EIF4E2: variants seen among roughly 807,000 people sequenced by gnomAD.
The protein encoded by EIF4E2 is eukaryotic translation initiation factor 4E type 2.
A neutral mutation model predicts 34.2 loss-of-function variants in EIF4E2; 13 were observed. The observed-to-expected ratio is 0.38, with a 90% CI of 0.25 to 0.60. The LOEUF is 0.60. Ranked by LOEUF, EIF4E2 falls within the 20% of genes least tolerant of loss-of-function variation. EIF4E2 has a pLI of 0.62. For synonymous variants in EIF4E2, 100 were observed against 106.6 expected (o/e 0.94, Z 0.38); for missense variants, 222 against 315.1 (o/e 0.70, Z 2.24).
At chr2:232,578,503 C>T (rs1319115063) in intron 6 of EIF4E2, among the ~76,000 whole-genome samples, 3 of 151,770 alleles carry the variant, frequency 2.0e-5, no homozygotes, top group African/African-American at 4.8e-5. Flanking sequence ...TGGTGGTGCA[C>T]GCCTGTAGTT....
At chr2:232,578,226 C>T (rs1693265784) in intron 6 of EIF4E2, among the ~76,000 whole-genome samples, 1 of 152,222 alleles carries the variant, frequency 6.6e-6, no homozygotes, top group South Asian at 2.1e-4. Context: ...GCTGGATTCT[C>T]CTGGCTTTTC....
At position 232,562,318 on chromosome 2, in the gene EIF4E2, C is replaced by T. The variant is rs192896248; in HGVS notation, c.271-1929C>T. 4.2e-3 allele frequency among the ~76,000 whole-genome samples: 646 copies of T among 152,200 alleles called. 6 individuals are homozygous for T. Among genetic ancestry groups the T allele is most frequent in the South Asian group, 0.019 (91 of 4,812 alleles). On this transcript the variant is annotated intron_variant, in intron 3 of 6. Coordinates refer to ENST00000258416, the MANE Select transcript of EIF4E2 (RefSeq NM_004846.4). The stretch of plus-strand genomic sequence containing the variant: ...CAGTGGGGCTGGGCGCGGTGGCTCA[C>T]GCCTGTAATCACAACACTTTGGAAG...
intron 3 of EIF4E2, chr2:232,558,798 A>G (rs938715979): frequency 7.9e-5 from 12 of 152,150 alleles, no homozygotes; most frequent in African/African-American, 2.4e-4. Context: ...GATTATGCAT[A>G]AAATATCTTT....
At chr2:232,551,135 C>A in intron 1 of EIF4E2, 1 of 556,436 alleles carries the variant, frequency 1.8e-6, no homozygotes. Flanking sequence ...CACACACTCC[C>A]TCTCCCCTCT....
chr2:232,561,904 A>G (rs1358732987), intron 3 of EIF4E2, among the ~76,000 whole-genome samples: 2 of 151,730 alleles, frequency 1.3e-5, no homozygotes, highest in Non-Finnish European at 2.9e-5. Context: ...AGAACTGTCA[A>G]ATCTTTTAAA....
chr2:232,569,097 G>C lies in EIF4E2; in HGVS notation c.*80G>C. 1 of 1,575,294 alleles carries C rather than the reference G, an allele frequency of 6.3e-7. No homozygotes were observed. The highest frequency in any genetic ancestry group is 2.3e-5 in the East Asian group (1 of 43,884). Reference sequence around the variant, plus strand: ...TGTTCTGTTGGCGTGCTACCTGGAAGATCCTTCTGTCCTGGACAAGAGGAA... The same window carrying C: ...TGTTCTGTTGGCGTGCTACCTGGAACATCCTTCTGTCCTGGACAAGAGGAA... On this transcript the variant is annotated 3_prime_UTR_variant, in exon 7 of 7. Coordinates refer to ENST00000258416, the MANE Select transcript of EIF4E2 (RefSeq NM_004846.4).
At position 232,567,158 on chromosome 2, in the gene EIF4E2, G is replaced by A; in HGVS notation, c.609G>A (p.Val203=). Residue 203 remains valine (V), a synonymous_variant, in exon 6 of 7, where the codon GTG becomes GTA. Transcript: ENST00000258416. ...GAATCCGGGACACACTTCGGCGAGT[G>A]CTTAACCTACCTCCCAACACCATTA... ...TARIRDTLRR[V]LNLPPNTIME... 6.2e-7 allele frequency: 1 copy of A among 1,614,198 alleles called. No homozygotes were observed. Among genetic ancestry groups the A allele is most frequent in the Non-Finnish European group, 8.5e-7 (1 of 1,180,044 alleles).
chr2:232,565,824 T>C (rs575376746), intron 4 of EIF4E2, among the ~76,000 whole-genome samples: 1 of 152,104 alleles, frequency 6.6e-6, no homozygotes, highest in African/African-American at 2.4e-5. Flanking sequence ...CCAGGCGCAG[T>C]GGCTCACTCC....
Position 232,556,455 on chromosome 2 carries a change from A to G in EIF4E2, c.60A>G (p.Glu20=), listed in dbSNP as rs557337169. 10 of 1,613,930 alleles carry G rather than the reference A, an allele frequency of 6.2e-6. No homozygotes were observed. The highest frequency in any genetic ancestry group is 5.5e-5 in the South Asian group (5 of 90,986). ...DDDSGDHDQN[E]ENSTQKDGEK... ...ACAGTGGGGACCATGATCAGAATGA[A>G]GAAAACAGCACACAGAAAGATGGTG... The change falls in exon 2 of 7, where the codon GAA becomes GAG. Residue 20 remains glutamate, a synonymous_variant. Coordinates refer to ENST00000258416, the MANE Select transcript of EIF4E2 (RefSeq NM_004846.4).
rs141449489 is a variant in EIF4E2 at position 232,569,084 on chromosome 2, G to A, written c.*67G>A. The A allele has an allele frequency of 2.5e-5, 39 of 1,586,974 alleles. No individual in the cohort carries two copies. In the Middle Eastern group the frequency reaches 5.0e-4, roughly 20 times the overall value. ...CATCGGAGTCTCTTGTTCTGTTGGC[G>A]TGCTACCTGGAAGATCCTTCTGTCC... On this transcript the variant is annotated 3_prime_UTR_variant, in exon 7 of 7. Transcript: ENST00000258416.
chr2:232,564,742 T>C (rs992629937), intron 4 of EIF4E2, among the ~76,000 whole-genome samples: 6 of 152,210 alleles, frequency 3.9e-5, no homozygotes, highest in African/African-American at 9.6e-5. Context: ...TGAGCCACCG[T>C]GCCCAGCTGG....
chr2:232,565,065 C>T (rs1183865946), intron 4 of EIF4E2, among the ~76,000 whole-genome samples: 1 of 152,128 alleles, frequency 6.6e-6, no homozygotes, highest in African/African-American at 2.4e-5. Context: ...AGCCAGTATT[C>T]GGCTGCGCCC....
Position 232,575,570 on chromosome 2 carries a change from G to A in EIF4E2, c.666-5334G>A, listed in dbSNP as rs537186246. Among the ~76,000 whole-genome samples, 33 of 152,258 alleles carry A rather than the reference G, an allele frequency of 2.2e-4. 1 individual carries two copies. The highest frequency in any genetic ancestry group is 2.0e-3 in the Admixed American group (30 of 15,300). On this transcript the variant is annotated intron_variant, in intron 6 of 6. Coordinates refer to the EIF4E2 transcript ENST00000409098. ...GAGCCCAGGAGTTCAAGGCCAGCCT[G>A]GGCAATATAGTAAGACCCTTGTTTC...
At chr2:232,556,095 C>T (rs781066730) in intron 1 of EIF4E2, among the ~76,000 whole-genome samples, 12 of 152,272 alleles carry the variant, frequency 7.9e-5, no homozygotes, top group Non-Finnish European at 1.2e-4. Context: ...AGACTCTTCT[C>T]ATTTTTTACT....
intron 3 of EIF4E2, among the ~76,000 whole-genome samples, chr2:232,561,719 A>C (rs985978765): frequency 1.3e-5 from 2 of 152,224 alleles, no homozygotes; most frequent in Non-Finnish European, 2.9e-5. Context: ...TGGAAAGAGC[A>C]CTAGACTTGG....
At chr2:232,583,470 G>T (rs949597883) in exon 7 of EIF4E2, 1 of 150,728 alleles carries the variant, frequency 6.6e-6, no homozygotes, top group Non-Finnish European at 1.5e-5. Flanking sequence ...CTATGATACT[G>T]GCAGTGGCAA....
At chr2:232,564,785 T>G (rs1253362797) in intron 4 of EIF4E2, among the ~76,000 whole-genome samples, 5 of 152,246 alleles carry the variant, frequency 3.3e-5, no homozygotes, top group African/African-American at 1.2e-4. Context: ...CAAAACTGCA[T>G]CACTCTCCAG....
At chr2:232,570,684 C>T (rs1283629611), downstream of EIF4E2, among the ~76,000 whole-genome samples, 3 of 152,230 alleles carry the variant, frequency 2.0e-5, no homozygotes, top group African/African-American at 7.2e-5. Flanking sequence ...GTGGCTCACG[C>T]CTGTAATCCT....
chr2:232,570,657 C>T (rs1389244851), downstream of EIF4E2, among the ~76,000 whole-genome samples: 2 of 152,142 alleles, frequency 1.3e-5, no homozygotes, highest in Non-Finnish European at 2.9e-5. Context: ...TTAAGAATTC[C>T]AAGGAGGCCG....
Sources: allele counts gnomAD v4.1 joint callset (sites outside exome capture counted in the v4.1 genomes callset), GRCh38; gene constraint gnomAD v4.1.1; transcripts MANE v1.5; gene names NCBI Gene and HGNC (gene_info 2026-07-23, HGNC 2026-07-21).